UBE2E2: variants seen among roughly 807,000 people sequenced by gnomAD.
UBE2E2 encodes ubiquitin-conjugating enzyme E2 E2.
A neutral mutation model predicts 24.7 loss-of-function variants in UBE2E2; 6 were observed. The observed-to-expected ratio is 0.24, with a 90% CI of 0.13 to 0.48. UBE2E2 has a LOEUF of 0.48. Among genes scored for constraint, UBE2E2 ranks in the 20% least tolerant of loss-of-function variants. UBE2E2 has a pLI of 0.99. For missense variants in UBE2E2, 169 were observed against 245.0 expected, an observed-to-expected ratio of 0.69 and a Z score of 2.07; for synonymous variants, 104 against 83.6, an observed-to-expected ratio of 1.24 and a Z score of -1.33.
intron 3 of UBE2E2, among the ~76,000 whole-genome samples, chr3:23,296,972 T>C (rs1417422567): frequency 6.6e-6 from 1 of 152,204 alleles, no homozygotes; most frequent in Non-Finnish European, 1.5e-5. Flanking sequence ...CAGCACCTGT[T>C]GTTTCCTGAC....
chr3:23,490,168 T>C (rs1162758559), intron 3 of UBE2E2, among the ~76,000 whole-genome samples: 4 of 152,160 alleles, frequency 2.6e-5, no homozygotes, highest in African/African-American at 9.7e-5. Context: ...TTCTGTGTTA[T>C]AAAAAAATTG....
intron 3 of UBE2E2, among the ~76,000 whole-genome samples, chr3:23,473,940 A>C (rs1332693851): frequency 6.6e-6 from 1 of 152,112 alleles, no homozygotes; most frequent in Non-Finnish European, 1.5e-5. Flanking sequence ...TTGCTGGATC[A>C]AATGGTAGTT....
chr3:23,359,667 A>G (rs1696060370), intron 3 of UBE2E2, among the ~76,000 whole-genome samples: 1 of 152,042 alleles, frequency 6.6e-6, no homozygotes. Flanking sequence ...TTCTAATGAT[A>G]TGTCCTTATC....
chr3:23,427,755 A>G (rs960016793), intron 3 of UBE2E2, among the ~76,000 whole-genome samples: 8 of 152,210 alleles, frequency 5.3e-5, no homozygotes, highest in Admixed American at 1.3e-4. Flanking sequence ...ATCCAAAGAA[A>G]GTGGGAGTAC....
chr3:23,395,074 A>G (rs1362043253), intron 3 of UBE2E2, among the ~76,000 whole-genome samples: 1 of 152,220 alleles, frequency 6.6e-6, no homozygotes, highest in East Asian at 1.9e-4. Context: ...TAAAGGTGGG[A>G]AGCCCATAAG....
chr3:23,322,696 C>CT (rs1694777435), intron 3 of UBE2E2, among the ~76,000 whole-genome samples: 2 of 152,034 alleles, frequency 1.3e-5, no homozygotes, highest in South Asian at 4.2e-4. Context: ...GCTTTACAGT[C>CT]TAAGGTTACA....
intron 3 of UBE2E2, among the ~76,000 whole-genome samples, chr3:23,364,468 A>T (rs541172936): frequency 6.6e-6 from 1 of 152,298 alleles, no homozygotes; most frequent in African/African-American, 2.4e-5. Context: ...CAGAAATACA[A>T]AAAAACCCCA....
At chr3:23,273,176 A>G (rs1312144439) in intron 3 of UBE2E2, among the ~76,000 whole-genome samples, 4 of 152,260 alleles carry the variant, frequency 2.6e-5, no homozygotes, top group Admixed American at 6.5e-5. Context: ...AAACAATTTT[A>G]TATAGTAAGA....
At chr3:23,332,761 T>G (rs1189717097) in intron 3 of UBE2E2, among the ~76,000 whole-genome samples, 1 of 151,738 alleles carries the variant, frequency 6.6e-6, no homozygotes, top group Non-Finnish European at 1.5e-5. Flanking sequence ...AGGTGATGTT[T>G]TTGTTTGAGA....
intron 5 of UBE2E2, among the ~76,000 whole-genome samples, chr3:23,588,528 T>C (rs1029961594): frequency 6.6e-6 from 1 of 151,922 alleles, no homozygotes; most frequent in Non-Finnish European, 1.5e-5. Flanking sequence ...GCGATCCTGC[T>C]GCCTCAGCCT....
At chr3:23,296,896 A>C (rs1698925104) in intron 3 of UBE2E2, among the ~76,000 whole-genome samples, 1 of 152,190 alleles carries the variant, frequency 6.6e-6, no homozygotes, top group African/African-American at 2.4e-5. Context: ...CGACTTCCAC[A>C]ATCGTTGAAC....
chr3:23,444,578 C>A (rs1038164476), intron 3 of UBE2E2, among the ~76,000 whole-genome samples: 3 of 152,164 alleles, frequency 2.0e-5, no homozygotes, highest in African/African-American at 7.2e-5. Flanking sequence ...AGTATTGAAG[C>A]TGTTTATAAC....
intron 3 of UBE2E2, among the ~76,000 whole-genome samples, chr3:23,307,630 A>G (rs935756321): frequency 2.0e-5 from 3 of 152,316 alleles, no homozygotes; most frequent in African/African-American, 7.2e-5. Context: ...ACTAAAGTCA[A>G]TATGATAGCT....
intron 3 of UBE2E2, among the ~76,000 whole-genome samples, chr3:23,226,943 A>G (rs1385586659): frequency 6.6e-6 from 1 of 151,886 alleles, no homozygotes; most frequent in African/African-American, 2.4e-5. Context: ...CAAGTTATAT[A>G]AGACCTGGTG....
chr3:23,366,881 A>G (rs1052369590), intron 3 of UBE2E2, among the ~76,000 whole-genome samples: 1 of 152,232 alleles, frequency 6.6e-6, no homozygotes, highest in Non-Finnish European at 1.5e-5. Flanking sequence ...GAAAATTTGT[A>G]TAACAGAAAC....
chr3:23,578,283 A>G (rs1376421004), intron 5 of UBE2E2, among the ~76,000 whole-genome samples: 1 of 152,190 alleles, frequency 6.6e-6, no homozygotes, highest in African/African-American at 2.4e-5. Context: ...AAAAAACAAC[A>G]AATGCTGTCA....
intron 5 of UBE2E2, among the ~76,000 whole-genome samples, chr3:23,582,867 G>GTA (rs1559429436): frequency 7.5e-5 from 10 of 132,700 alleles, no homozygotes; most frequent in African/African-American, 2.9e-4. Flanking sequence ...TTGAGTGTGT[G>GTA]TGTGTGTGTG....
Position 23,398,534 on chromosome 3 carries a change from G to A in UBE2E2, c.228-101074G>A, listed in dbSNP as rs1284171833. ...TGGTGGGAAAAGTTAGAAGACAGATGTTTTCCATGAATACTTGTGGAGAAC... is the reference window on the plus strand; with the variant it reads ...TGGTGGGAAAAGTTAGAAGACAGATATTTTCCATGAATACTTGTGGAGAAC... On this transcript the variant is annotated intron_variant, in intron 3 of 5. Transcript: ENST00000396703. 2.0e-5 allele frequency among the ~76,000 whole-genome samples: 3 copies of A among 152,202 alleles called. No homozygotes were observed. In the East Asian group the frequency reaches 5.8e-4, roughly 29 times the overall value.
intron 3 of UBE2E2, among the ~76,000 whole-genome samples, chr3:23,356,671 A>G (rs1026295884): frequency 3.9e-5 from 6 of 152,204 alleles, no homozygotes; most frequent in Admixed American, 2.0e-4. Flanking sequence ...GCCTGAGAGT[A>G]TTCTCTTTTA....
Sources: gnomAD v4.1 joint callset for allele counts (sites outside exome capture counted in the v4.1 genomes callset) on GRCh38, gnomAD v4.1.1 for gene constraint, MANE v1.5 for transcripts, NCBI Gene and HGNC (gene_info 2026-07-23, HGNC 2026-07-21) for gene names.